The following SNAP47 variants were observed in gnomAD, a reference collection of about 807,000 sequenced individuals.
The protein encoded by SNAP47 is synaptosomal-associated protein 47.
SNAP47 carries 20 observed loss-of-function variants against 31.4 expected under a neutral mutation model. That is an observed-to-expected ratio of 0.64 (90% CI 0.45 to 0.93). The LOEUF (loss-of-function observed/expected upper bound fraction) is 0.93, where lower values mean the gene tolerates loss of function less well. Among genes scored for constraint, SNAP47 ranks in the 40% least tolerant of loss-of-function variants. The probability of loss-of-function intolerance (pLI) is 0.00; values close to 1 mark genes in which losing one functional copy is unlikely to be tolerated. For synonymous variants in SNAP47, 194 were observed against 213.4 expected (o/e 0.91, Z 0.79); for missense variants, 492 against 528.5 (o/e 0.93, Z 0.68).
chr1:227,765,242 G>A (rs1414507764), intron 3 of SNAP47, among the ~76,000 whole-genome samples: 2 of 152,204 alleles, frequency 1.3e-5, no homozygotes, highest in African/African-American at 4.8e-5. Flanking sequence ...TGGGCAGGGC[G>A]GGGTGGGGTA....
chr1:227,732,029 G>A (rs980945029), upstream of SNAP47: 24 of 315,344 alleles, frequency 7.6e-5, no homozygotes, highest in Admixed American at 1.7e-4. Flanking sequence ...GGCCTGAGAC[G>A]AGGGGACAGG....
chr1:227,732,773 A>G, upstream of SNAP47: 1 of 1,588,944 alleles, frequency 6.3e-7, no homozygotes, highest in South Asian at 1.1e-5. Context: ...CGAAGAAGGG[A>G]CCATTAAGAC....
At chr1:227,774,843 C>T (rs775147381) in intron 4 of SNAP47, among the ~76,000 whole-genome samples, 1 of 152,236 alleles carries the variant, frequency 6.6e-6, no homozygotes, top group African/African-American at 2.4e-5. Flanking sequence ...GTTCATCGTC[C>T]CTCAAGCACT....
At chr1:227,767,180 A>C in intron 4 of SNAP47, 97 bp downstream of exon 4, 1 of 1,524,192 alleles carries the variant, frequency 6.6e-7, no homozygotes, top group Non-Finnish European at 8.9e-7. Flanking sequence ...GCTCTGGGTC[A>C]TCCATCCGTA....
Position 227,780,526 on chromosome 1 carries a change from G to C in SNAP47, c.1114-1G>C, listed in dbSNP as rs989850670. The C allele has an allele frequency of 3.1e-6, 5 of 1,613,846 alleles. No homozygotes were observed. The African/African-American group carries it at 5.3e-5, about 17-fold the overall frequency. ...TGCTGTGATCTTGTGCTTCTCCCCA[G>C]ATCCTGAGGAGGATGAAGGGGCTGG... On this transcript the variant is annotated splice_acceptor_variant, in intron 4 of 4. Transcript: ENST00000617596. LOFTEE classifies it high-confidence loss of function.
upstream of SNAP47, chr1:227,732,466 TG>T: frequency 1.9e-6 from 3 of 1,613,314 alleles, no homozygotes; most frequent in Non-Finnish European, 2.5e-6. Context: ...GAGAACGCGC[TG>T]GTGTCCACTC....
At chr1:227,774,095 C>T (rs143539876) in intron 4 of SNAP47, among the ~76,000 whole-genome samples, 58 of 152,286 alleles carry the variant, frequency 3.8e-4, no homozygotes, top group African/African-American at 1.1e-3. Flanking sequence ...CCTCCCAGTC[C>T]GTGGCCCATC....
upstream of SNAP47, chr1:227,732,656 C>T (rs4837): frequency 0.1 from 168,813 of 1,612,834 alleles, 9,122 homozygotes; most frequent in Middle Eastern, 0.17. Context: ...AGTTGATGCC[C>T]GAGCAGGACC....
chr1:227,740,553 A>C (rs2102894327), intron 1 of SNAP47, among the ~76,000 whole-genome samples: 1 of 152,270 alleles, frequency 6.6e-6, no homozygotes, highest in African/African-American at 2.4e-5. Context: ...CAGGGGGCAC[A>C]CATATAATGG....
intron 4 of SNAP47, among the ~76,000 whole-genome samples, chr1:227,778,813 C>T (rs1664301732): frequency 6.6e-6 from 1 of 152,220 alleles, no homozygotes; most frequent in Non-Finnish European, 1.5e-5. Flanking sequence ...CATATACTTT[C>T]CAGAGCCCCA....
intron 4 of SNAP47, among the ~76,000 whole-genome samples, chr1:227,778,273 T>C (rs927128153): frequency 3.3e-5 from 5 of 152,222 alleles, no homozygotes; most frequent in Non-Finnish European, 7.3e-5. Context: ...TGGTGTCTCC[T>C]GATAGCACTG....
chr1:227,748,498 C>T (rs905025529), intron 2 of SNAP47, among the ~76,000 whole-genome samples: 6 of 152,248 alleles, frequency 3.9e-5, no homozygotes, highest in Admixed American at 2.0e-4. Flanking sequence ...GTGCCTGGCA[C>T]CACTGCCGTC....
intron 4 of SNAP47, among the ~76,000 whole-genome samples, chr1:227,767,965 T>G (rs1663546651): frequency 2.0e-5 from 3 of 152,272 alleles, no homozygotes; most frequent in Admixed American, 2.0e-4. Context: ...GTCCAGAGGT[T>G]GTTGCCTAAC....
chr1:227,742,816 G>A (rs1186356480), intron 1 of SNAP47, among the ~76,000 whole-genome samples: 1 of 152,232 alleles, frequency 6.6e-6, no homozygotes, highest in Non-Finnish European at 1.5e-5. Context: ...TGAGGAGCAT[G>A]ACTGAGTTGG....
chr1:227,734,499 G>A, upstream of SNAP47: 1 of 669,868 alleles, frequency 1.5e-6, no homozygotes. Flanking sequence ...CAGCCATGCG[G>A]AAGACAATCC....
chr1:227,769,107 G>A (rs756282507), intron 4 of SNAP47, among the ~76,000 whole-genome samples: 1 of 152,204 alleles, frequency 6.6e-6, no homozygotes, highest in South Asian at 2.1e-4. Flanking sequence ...GTGACTGCAC[G>A]GAGCTGAGGG....
chr1:227,776,891 A>G (rs866901865), intron 4 of SNAP47: 15 of 985,326 alleles, frequency 1.5e-5, no homozygotes, highest in Non-Finnish European at 1.8e-5. Context: ...GTAGTGAGAC[A>G]TTTTCAAATC....
Position 227,763,861 on chromosome 1 carries a change from G to T in SNAP47, c.989-3098G>T, listed in dbSNP as rs1663218579. ...CTTGCTGGAGACAGACAGGCTGGTG[G>T]CCCAGGTCCCCGCTCCCAGGCAGGT... On this transcript the variant is annotated intron_variant, in intron 3 of 4. Coordinates refer to ENST00000617596, the MANE Select transcript of SNAP47 (RefSeq NM_053052.4). The surrounding 1 kb of genome is among the most constrained non-coding windows in gnomAD (Gnocchi z 4.2). Among the ~76,000 whole-genome samples, 1 of 152,184 alleles carries T rather than the reference G, an allele frequency of 6.6e-6. No homozygotes were observed. The highest frequency in any genetic ancestry group is 6.5e-5 in the Admixed American group (1 of 15,284).
chr1:227,760,899 C>A (rs1420414581), intron 3 of SNAP47, among the ~76,000 whole-genome samples: 2 of 152,206 alleles, frequency 1.3e-5, no homozygotes, highest in Non-Finnish European at 2.9e-5. Context: ...TTTTATCTTG[C>A]CATGGTAAAA....
Sources: gnomAD v4.1 joint callset for allele counts (sites outside exome capture counted in the v4.1 genomes callset) on GRCh38, gnomAD v4.1.1 for gene constraint, Gnocchi (gnomAD v3.1) non-coding constraint, MANE v1.5 for transcripts, NCBI Gene and HGNC (gene_info 2026-07-23, HGNC 2026-07-21) for gene names.